RABGAP1L: variants seen among roughly 807,000 people sequenced by gnomAD.
RABGAP1L encodes RAB GTPase activating protein 1 like, also known as rab GTPase-activating protein 1-like.
Under a neutral mutation model 137.7 loss-of-function variants are expected in RABGAP1L, and 63 were observed. The observed-to-expected ratio is 0.46, with a 90% CI of 0.37 to 0.56. The LOEUF is 0.56. Among genes scored for constraint, RABGAP1L ranks in the 20% least tolerant of loss-of-function variants. RABGAP1L has a pLI of 0.00. For synonymous variants in RABGAP1L, 431 were observed against 433.7 expected, an observed-to-expected ratio of 0.99 and a Z score of 0.08; for missense variants, 1,095 against 1,244.0, an observed-to-expected ratio of 0.88 and a Z score of 1.80.
intron 19 of RABGAP1L, among the ~76,000 whole-genome samples, chr1:174,919,994 G>A (rs1661536543): frequency 6.6e-6 from 1 of 152,198 alleles, no homozygotes. Flanking sequence ...GCTTGGCATT[G>A]GACCATAAGC....
chr1:174,400,620 A>G (rs1648455128), intron 13 of RABGAP1L, among the ~76,000 whole-genome samples: 1 of 152,114 alleles, frequency 6.6e-6, no homozygotes, highest in Non-Finnish European at 1.5e-5. Flanking sequence ...TCTTTTTTGT[A>G]GGAAACCTAT....
At chr1:174,612,094 T>C (rs541856860) in intron 13 of RABGAP1L, among the ~76,000 whole-genome samples, 1 of 152,196 alleles carries the variant, frequency 6.6e-6, no homozygotes, top group Non-Finnish European at 1.5e-5. Flanking sequence ...AACACTATGT[T>C]GAATAGGAGT....
intron 13 of RABGAP1L, among the ~76,000 whole-genome samples, chr1:174,453,139 A>G (rs1304129070): frequency 6.6e-6 from 1 of 152,188 alleles, no homozygotes; most frequent in Non-Finnish European, 1.5e-5. Context: ...GACAGGCATG[A>G]TTCTGAGGTT....
intron 13 of RABGAP1L, among the ~76,000 whole-genome samples, chr1:174,564,317 A>G (rs1667424625): frequency 6.6e-6 from 1 of 152,106 alleles, no homozygotes; most frequent in Non-Finnish European, 1.5e-5. Flanking sequence ...CACATATATT[A>G]TGATTGATCA....
intron 1 of RABGAP1L, among the ~76,000 whole-genome samples, chr1:174,188,005 A>G (rs2148324781): frequency 6.6e-6 from 1 of 152,308 alleles, no homozygotes; most frequent in Admixed American, 6.5e-5. Flanking sequence ...ACAAAAAGGA[A>G]GGCATCATTT....
intron 13 of RABGAP1L, among the ~76,000 whole-genome samples, chr1:174,433,154 T>A (rs1490295973): frequency 1.3e-5 from 2 of 152,198 alleles, no homozygotes; most frequent in African/African-American, 4.8e-5. Flanking sequence ...GAGAAAGATA[T>A]ACCCAAGGCC....
At chr1:174,385,624 T>G (rs758328716) in intron 12 of RABGAP1L, among the ~76,000 whole-genome samples, 1 of 151,948 alleles carries the variant, frequency 6.6e-6, no homozygotes, top group Non-Finnish European at 1.5e-5. Context: ...TGTTTGGGAG[T>G]TGGACGTATG....
At chr1:174,950,419 C>T (rs1667531691) in intron 19 of RABGAP1L, among the ~76,000 whole-genome samples, 2 of 152,292 alleles carry the variant, frequency 1.3e-5, no homozygotes, top group South Asian at 4.1e-4. Flanking sequence ...AAAGTGACTT[C>T]TTTTGCTGAC....
chr1:174,648,163 T>C (rs574257265), intron 14 of RABGAP1L, among the ~76,000 whole-genome samples: 1 of 151,520 alleles, frequency 6.6e-6, no homozygotes, highest in South Asian at 2.1e-4. Context: ...ACCTCCTGGA[T>C]TCATTGAGTT....
intron 15 of RABGAP1L, among the ~76,000 whole-genome samples, chr1:174,684,371 A>G (rs1051266200): frequency 6.6e-6 from 1 of 152,202 alleles, no homozygotes; most frequent in Non-Finnish European, 1.5e-5. Context: ...AATTATTGAC[A>G]AAAGTCACAA....
intron 19 of RABGAP1L, among the ~76,000 whole-genome samples, chr1:174,813,463 G>A (rs952025074): frequency 6.6e-6 from 1 of 152,072 alleles, no homozygotes; most frequent in Non-Finnish European, 1.5e-5. Context: ...CTTCTTTTAG[G>A]CACCAGAGCC....
intron 18 of RABGAP1L, among the ~76,000 whole-genome samples, chr1:174,763,873 G>GT (rs1023489752): frequency 2.7e-5 from 4 of 149,572 alleles, no homozygotes; most frequent in African/African-American, 9.8e-5. Flanking sequence ...ACAATTAGTG[G>GT]TTTGTAGGGT....
chr1:174,730,325 A>G (rs565936090), intron 17 of RABGAP1L, among the ~76,000 whole-genome samples: 1 of 152,282 alleles, frequency 6.6e-6, no homozygotes, highest in South Asian at 2.1e-4. Flanking sequence ...AGGGGAGGAA[A>G]AGGGTGGGAA....
intron 1 of RABGAP1L, among the ~76,000 whole-genome samples, chr1:174,215,571 T>G (rs1321985346): frequency 6.6e-6 from 1 of 151,948 alleles, no homozygotes; most frequent in Admixed American, 6.6e-5. Context: ...TATGAAAAGG[T>G]GCTTAGCAAC....
At chr1:174,390,416 T>A (rs1437774740) in intron 12 of RABGAP1L, among the ~76,000 whole-genome samples, 1 of 152,220 alleles carries the variant, frequency 6.6e-6, no homozygotes, top group Non-Finnish European at 1.5e-5. Flanking sequence ...AGGAGTATGT[T>A]TATGTACGTG....
At chr1:174,970,237 A>C (rs1670020446) in intron 21 of RABGAP1L, among the ~76,000 whole-genome samples, 1 of 152,206 alleles carries the variant, frequency 6.6e-6, no homozygotes, top group Non-Finnish European at 1.5e-5. Flanking sequence ...ATCTCCATTC[A>C]ATCAGGGTCA....
chr1:174,374,465 C>T (rs996349142), intron 12 of RABGAP1L, among the ~76,000 whole-genome samples: 3 of 152,118 alleles, frequency 2.0e-5, no homozygotes, highest in African/African-American at 4.8e-5. Flanking sequence ...AAATACACAA[C>T]ACCTAAAACT....
intron 13 of RABGAP1L, among the ~76,000 whole-genome samples, chr1:174,576,918 C>A (rs1158973702): frequency 6.6e-6 from 1 of 152,154 alleles, no homozygotes; most frequent in Non-Finnish European, 1.5e-5. Flanking sequence ...TGCAGTGGCT[C>A]ATGCCTGTAA....
At chr1:174,313,861 T>G (rs1679104494) in intron 11 of RABGAP1L, among the ~76,000 whole-genome samples, 1 of 152,214 alleles carries the variant, frequency 6.6e-6, no homozygotes, top group Non-Finnish European at 1.5e-5. Flanking sequence ...TCTCAATTGG[T>G]CATCATGAAT....
Sources: gnomAD v4.1 joint callset for allele counts (sites outside exome capture counted in the v4.1 genomes callset) on GRCh38, gnomAD v4.1.1 for gene constraint, MANE v1.5 for transcripts, NCBI Gene and HGNC (gene_info 2026-07-23, HGNC 2026-07-21) for gene names.